The following KIF9 variants were observed in gnomAD, a reference collection of about 807,000 sequenced individuals.
The protein encoded by KIF9 is kinesin family member 9, also known as kinesin-like protein KIF9.
KIF9 carries 68 observed loss-of-function variants against 94.8 expected under a neutral mutation model. The ratio of observed to expected loss-of-function variants is 0.72; its 90% CI spans 0.59 to 0.88. The LOEUF (loss-of-function observed/expected upper bound fraction) is 0.88. KIF9 is among the 40% of genes least tolerant of loss of function. The pLI, the probability that KIF9 is intolerant of heterozygous loss-of-function variation, is 0.00. For missense variants in KIF9, 882 were observed against 982.5 expected (o/e 0.90, Z 1.37); for synonymous variants, 343 against 362.1 (o/e 0.95, Z 0.60).
chr3:47,230,488 T>C lies in KIF9; in HGVS notation c.2323-1786A>G, dbSNP rs560954979. On this transcript the variant is annotated intron_variant, in intron 20 of 20. Transcript: ENST00000684063. ...TGGCTCATGCCTGTAATCCCAGCAC[T>C]TTGGGAGGTCGAGGCGGGTGGATCA... Among the ~76,000 whole-genome samples the C allele has an allele frequency of 2.0e-5, 3 of 152,244 alleles. No homozygotes were observed. The South Asian group carries it at 6.2e-4, about 32-fold the overall frequency.
intron 1 of KIF9, among the ~76,000 whole-genome samples, chr3:47,281,548 A>G (rs1366798350): frequency 1.3e-5 from 2 of 151,980 alleles, no homozygotes; most frequent in Non-Finnish European, 2.9e-5. Flanking sequence ...GGGTTTCGCC[A>G]TGTTGCCCAG....
At chr3:47,265,597 T>C in intron 8 of KIF9, 133 bp downstream of exon 8, 1 of 890,100 alleles carries the variant, frequency 1.1e-6, no homozygotes, top group African/African-American at 1.7e-5. Flanking sequence ...CTGAAGTCAC[T>C]GTGAATGTGC....
chr3:47,246,146 A>G, intron 13 of KIF9, 51 bp downstream of exon 13: 1 of 1,540,224 alleles, frequency 6.5e-7, no homozygotes. Context: ...ATGGCAGGAG[A>G]TGAAAATGGC....
intron 20 of KIF9, among the ~76,000 whole-genome samples, chr3:47,232,792 C>A (rs1698698006): frequency 6.7e-6 from 1 of 150,364 alleles, no homozygotes; most frequent in African/African-American, 2.4e-5. Context: ...ACCATCCTAG[C>A]TAACACGGTG....
intron 9 of KIF9, among the ~76,000 whole-genome samples, chr3:47,261,195 G>C (rs1700948894): frequency 6.6e-6 from 1 of 152,178 alleles, no homozygotes; most frequent in East Asian, 1.9e-4. Context: ...TGTGTCTTTG[G>C]CCCATTGCTT....
At chr3:47,268,018 T>C (rs1701398506) in intron 5 of KIF9, among the ~76,000 whole-genome samples, 1 of 151,628 alleles carries the variant, frequency 6.6e-6, no homozygotes, top group Non-Finnish European at 1.5e-5. Context: ...ACTACCAGCG[T>C]GCACTACCAC....
chr3:47,273,721 T>C, intron 3 of KIF9, 63 bp from the exon 4 acceptor site: 1 of 1,424,210 alleles, frequency 7.0e-7, no homozygotes. Flanking sequence ...CTCTCCCCTC[T>C]CCCAGCATGC....
intron 17 of KIF9, among the ~76,000 whole-genome samples, chr3:47,237,305 G>A (rs1325520577): frequency 2.0e-5 from 3 of 152,192 alleles, no homozygotes; most frequent in African/African-American, 7.2e-5. Flanking sequence ...TGTTGCCCAG[G>A]CTGGTCTTGA....
intron 8 of KIF9, among the ~76,000 whole-genome samples, chr3:47,264,725 A>G (rs1270640571): frequency 6.6e-6 from 1 of 152,242 alleles, no homozygotes; most frequent in East Asian, 1.9e-4. Context: ...GGTGTGAGCC[A>G]CCACACCTGG....
At chr3:47,236,250 G>A in intron 18 of KIF9, 101 bp from the exon 19 acceptor site, 1 of 1,051,896 alleles carries the variant, frequency 9.5e-7, no homozygotes, top group South Asian at 1.4e-5. Context: ...TTCACTTCCT[G>A]CTCCAAGGTC....
At chr3:47,272,930 C>A (rs1701738500) in intron 4 of KIF9, among the ~76,000 whole-genome samples, 1 of 152,186 alleles carries the variant, frequency 6.6e-6, no homozygotes, top group Admixed American at 6.5e-5. Context: ...TCCTATAACA[C>A]TTCTTATAGG....
chr3:47,279,040 G>C (rs1397013351), intron 1 of KIF9, among the ~76,000 whole-genome samples: 3 of 151,430 alleles, frequency 2.0e-5, no homozygotes, highest in Non-Finnish European at 4.4e-5. Flanking sequence ...CATGCCTATA[G>C]TCCCAGCTAC....
At chr3:47,262,899 G>T (rs919838697) in intron 9 of KIF9, among the ~76,000 whole-genome samples, 3 of 151,866 alleles carry the variant, frequency 2.0e-5, no homozygotes, top group Non-Finnish European at 4.4e-5. Flanking sequence ...CTTTTGTGGG[G>T]TTTTTTTGTT....
In KIF9 at chr3:47,282,705, T is replaced by C; in HGVS notation, c.-216A>G. The stretch of plus-strand genomic sequence containing the variant: ...ATGGCCGAATCGGGAAGACGAGAGA[T>C]GGGGCCGATTGATCTAGAAAGACTT... On this transcript the variant is annotated 5_prime_UTR_variant, in exon 1 of 21. Coordinates refer to ENST00000684063, the MANE Select transcript of KIF9 (RefSeq NM_182902.4). 2 of 1,368,812 alleles carry C rather than the reference T, an allele frequency of 1.5e-6. No homozygotes were observed. The highest frequency in any genetic ancestry group is 3.2e-5 in the South Asian group (2 of 63,106). 84.8% of individuals were successfully genotyped at this position (1,368,812 alleles called of 1,614,324 possible).
In KIF9 at chr3:47,262,462, G is replaced by A. The variant is rs201905524; in HGVS notation, c.981+1824C>T. Among the ~76,000 whole-genome samples the A allele has an allele frequency of 6.6e-5, 10 of 152,138 alleles. No individual in the cohort carries two copies. The East Asian group carries it at 1.4e-3, about 21-fold the overall frequency. ...TTTTTATGTTTTTACTAGAGACAGC[G>A]TTTCACCATGTTGGCCAGGCTGGTC... On this transcript the variant is annotated intron_variant, in intron 9 of 20. Coordinates refer to ENST00000684063, the MANE Select transcript of KIF9 (RefSeq NM_182902.4).
At chr3:47,231,431 T>C (rs930887152) in intron 20 of KIF9, among the ~76,000 whole-genome samples, 14 of 119,200 alleles carry the variant, frequency 1.2e-4, no homozygotes, top group Non-Finnish European at 1.8e-4. Flanking sequence ...TTTTTTTTTT[T>C]AGACAGTTTC....
chr3:47,275,594 G>C (rs1176075014), intron 2 of KIF9, 104 bp from the exon 3 acceptor site: 1 of 831,572 alleles, frequency 1.2e-6, no homozygotes, highest in African/African-American at 1.7e-5. Flanking sequence ...CAGAGGAAAT[G>C]AACTGTAGGA....
intron 1 of KIF9, among the ~76,000 whole-genome samples, chr3:47,279,240 AGGAT>A (rs2107534075): frequency 6.6e-6 from 1 of 150,690 alleles, no homozygotes; most frequent in East Asian, 2.0e-4. Flanking sequence ...TGGGAGGCTG[AGGAT>A]GGCAGATTAC....
At chr3:47,239,657 GC>G in intron 17 of KIF9, 1 of 1,080,080 alleles carries the variant, frequency 9.3e-7, no homozygotes, top group Non-Finnish European at 1.2e-6. Flanking sequence ...GCGCAATCTT[GC>G]CTCACTACAA....
Sources: gnomAD v4.1 joint callset for allele counts (sites outside exome capture counted in the v4.1 genomes callset) on GRCh38, gnomAD v4.1.1 for gene constraint, MANE v1.5 for transcripts, NCBI Gene and HGNC (gene_info 2026-07-23, HGNC 2026-07-21) for gene names.